The following ZRANB1 variants were observed in gnomAD, a reference collection of about 807,000 sequenced individuals.
The protein encoded by ZRANB1 is zinc finger RANBP2-type containing 1.
ZRANB1 carries 16 observed loss-of-function variants against 80.5 expected under a neutral mutation model. The ratio of observed to expected loss-of-function variants is 0.20; its 90% CI spans 0.13 to 0.30. The LOEUF is 0.30. Ranked by LOEUF, ZRANB1 falls within the 10% of genes least tolerant of loss-of-function variation. ZRANB1 has a pLI of 1.00. For missense variants in ZRANB1, 576 were observed against 862.6 expected, an observed-to-expected ratio of 0.67 and a Z score of 4.16; for synonymous variants, 291 against 293.1, an observed-to-expected ratio of 0.99 and a Z score of 0.07.
At chr10:124,924,611 C>T in the ZRANB1 span, among the ~76,000 whole-genome samples, 6 of 152,126 alleles carry the variant, frequency 3.9e-5, no homozygotes, top group Non-Finnish European at 5.9e-5. Context: ...TCTTATAATA[C>T]TTCCAAGGTT....
At chr10:124,939,523 T>C (rs7917153), upstream of ZRANB1, among the ~76,000 whole-genome samples, 5,766 of 152,284 alleles carry the variant, frequency 0.038, 351 homozygotes, top group African/African-American at 0.13. Flanking sequence ...TTTAAATATA[T>C]TGTGCCAGCA....
At chr10:124,978,221 G>C (rs1951897324) in intron 5 of ZRANB1, among the ~76,000 whole-genome samples, 1 of 152,232 alleles carries the variant, frequency 6.6e-6, no homozygotes, top group African/African-American at 2.4e-5. Context: ...CCAGTAGAGA[G>C]TAGAGTGAGC....
At chr10:124,956,173 G>T in intron 1 of ZRANB1, among the ~76,000 whole-genome samples, 1 of 152,180 alleles carries the variant, frequency 6.6e-6, no homozygotes, top group East Asian at 1.9e-4. Context: ...CATTGATTCA[G>T]TAACGGCTTT....
Position 124,984,838 on chromosome 10 carries a change from G to A in ZRANB1, c.1973G>A (p.Gly658Glu), listed in dbSNP as rs777935576. The A allele has an allele frequency of 2.5e-6, 4 of 1,613,798 alleles. No individual in the cohort carries two copies. Among genetic ancestry groups the A allele is most frequent in the African/African-American group, 1.3e-5 (1 of 74,812 alleles). Residue 658 changes from glycine (G) to glutamate (E), a missense_variant, in exon 9 of 9, where the codon GGG (glycine) becomes GAG (glutamate). Gly to Glu is a moderately conservative substitution (Grantham distance 98). Coordinates refer to ENST00000359653, the MANE Select transcript of ZRANB1 (RefSeq NM_017580.3). The stretch of plus-strand genomic sequence containing the variant: ...TGGCTGGACTGCTGTGTGACGGAGG[G>A]GGGAGTTCTGGTTGCCATGCAGAAG... ...REWLDCCVTEGGVLVAMQKSS... is the reference protein window; with the variant it reads ...REWLDCCVTEEGVLVAMQKSS...
intron 1 of ZRANB1, among the ~76,000 whole-genome samples, chr10:124,952,021 C>T (rs1951642791): frequency 6.6e-6 from 1 of 152,034 alleles, no homozygotes; most frequent in Non-Finnish European, 1.5e-5. Flanking sequence ...TTATAATGTC[C>T]AAATTTACAT....
At chr10:124,981,284 G>A (rs1951930170) in intron 5 of ZRANB1, 1 of 152,702 alleles carries the variant, frequency 6.5e-6, no homozygotes, top group African/African-American at 2.4e-5. Flanking sequence ...TTGATACTAT[G>A]AACACACGGA....
the ZRANB1 span, among the ~76,000 whole-genome samples, chr10:124,922,309 ATATATGTAAAATATATGTATATATATATT>A: frequency 6.7e-5 from 2 of 29,830 alleles, no homozygotes; most frequent in Admixed American, 2.7e-4. Flanking sequence ...AAATATATAT[ATATATGTAAAATATATGTATATATATATT>A]TTTTTTTTAA....
intron 6 of ZRANB1, among the ~76,000 whole-genome samples, chr10:124,982,153 G>T (rs895831104): frequency 6.6e-6 from 1 of 152,152 alleles, no homozygotes; most frequent in Non-Finnish European, 1.5e-5. Context: ...AGATAGTCTT[G>T]GGATTGCTCT....
chr10:124,926,311 A>G, the ZRANB1 span, among the ~76,000 whole-genome samples: 1 of 152,254 alleles, frequency 6.6e-6, no homozygotes, highest in Non-Finnish European at 1.5e-5. Context: ...TTTTAACTTT[A>G]TAAATTTTTA....
chr10:124,916,966 C>A, the ZRANB1 span, among the ~76,000 whole-genome samples: 1 of 151,964 alleles, frequency 6.6e-6, no homozygotes, highest in Non-Finnish European at 1.5e-5. Flanking sequence ...CACCTCAGTG[C>A]CCCCGCCCCC....
Position 124,943,062 on chromosome 10 carries a change from A to G in ZRANB1, c.569A>G (p.Glu190Gly). ...GCAATAGAATTGGCAGAGACTGAAGAGGCTTCTTCAATAATAAATGAGCAA... is the reference window on the plus strand; with the variant it reads ...GCAATAGAATTGGCAGAGACTGAAGGGGCTTCTTCAATAATAAATGAGCAA... The part of the protein sequence containing the change: ...IEAIELAETE[E>G]ASSIINEQDR... Residue 190 changes from glutamate (E) to glycine (G), a missense_variant, in exon 1 of 9, where the codon GAG becomes GGG. Coordinates refer to ENST00000359653, the MANE Select transcript of ZRANB1 (RefSeq NM_017580.3). 1 of 1,614,212 alleles carries G rather than the reference A, an allele frequency of 6.2e-7. No homozygotes were observed. Among genetic ancestry groups the G allele is most frequent in the Non-Finnish European group, 8.5e-7 (1 of 1,180,036 alleles).
Position 124,942,700 on chromosome 10 carries a change from C to T in ZRANB1, c.207C>T (p.Asp69=). 1.2e-6 allele frequency: 2 copies of T among 1,614,222 alleles called. No homozygotes were observed. Among genetic ancestry groups the T allele is most frequent in the Non-Finnish European group, 1.7e-6 (2 of 1,180,040 alleles). ...EGGSSPLICP[D]SSARPRVKSS... ...GAAGTAGTCCTTTGATATGTCCAGA[C>T]TCTAGTGCAAGACCAAGGGTGAAAT... Residue 69 remains aspartate, a synonymous_variant, in exon 1 of 9, where the codon GAC becomes GAT. Coordinates refer to ENST00000359653, the MANE Select transcript of ZRANB1 (RefSeq NM_017580.3).
In ZRANB1 at chr10:124,988,151, TTTTGA is replaced by T. The variant is rs1314916989; in HGVS notation, c.*3163_*3167del. ...GTGATAATGATGGACTTGTGTGAGG[TTTTGA>T]TTTTTCAATTAAACTTTTTGTTATC... On this transcript the variant is annotated 3_prime_UTR_variant, in exon 9 of 9. Coordinates refer to ENST00000359653, the MANE Select transcript of ZRANB1 (RefSeq NM_017580.3). 3.1e-4 allele frequency: 47 copies of T among 152,536 alleles called. 1 individual carries two copies. Among genetic ancestry groups the T allele is most frequent in the Non-Finnish European group, 1.5e-5 (1 of 68,026 alleles). The allele number at this position is 152,536 out of a possible 1,614,324, so 9.4% of individuals were successfully genotyped here.
At chr10:124,979,993 G>A (rs1951918564) in intron 5 of ZRANB1, among the ~76,000 whole-genome samples, 1 of 152,128 alleles carries the variant, frequency 6.6e-6, no homozygotes, top group Non-Finnish European at 1.5e-5. Flanking sequence ...TTTCAACATT[G>A]TTTTGACTAT....
At chr10:124,933,686 G>A in the ZRANB1 span, among the ~76,000 whole-genome samples, 1 of 152,156 alleles carries the variant, frequency 6.6e-6, no homozygotes, top group African/African-American at 2.4e-5. Context: ...GTTGTCATAG[G>A]TTGTTACATT....
intron 1 of ZRANB1, among the ~76,000 whole-genome samples, chr10:124,963,344 A>G (rs1348795975): frequency 6.6e-6 from 1 of 150,714 alleles, no homozygotes; most frequent in Non-Finnish European, 1.5e-5. Context: ...GAAAACATGT[A>G]TATGTTGATT....
rs1173391881 is a variant in ZRANB1 at position 124,983,918 on chromosome 10, A to G, written c.1908+230A>G. On this transcript the variant is annotated intron_variant, in intron 8 of 8. Transcript: ENST00000359653. The surrounding 1 kb of genome is among the most constrained non-coding windows in gnomAD (Gnocchi z 6.2). ...TGGGTTTTAAGAAGAAAAAGTAAAG[A>G]TGAGGTTTGTGATTTAAATATGGCA... Among the ~76,000 whole-genome samples, 1 of 152,166 alleles carries G rather than the reference A, an allele frequency of 6.6e-6. No homozygotes were observed. The highest frequency in any genetic ancestry group is 1.5e-5 in the Non-Finnish European group (1 of 68,034).
rs1013552100 is a variant in ZRANB1 at position 124,981,638 on chromosome 10, A to G, written c.1428-71A>G. On this transcript the variant is annotated intron_variant, in intron 5 of 8. Transcript: ENST00000359653. ...TGCTTAAAGACTGCATTAAATAAAA[A>G]TGATCAGAACTTTAAATGTTTTATT... is the stretch of plus-strand genomic sequence containing the variant. The G allele has an allele frequency of 2.5e-5, 34 of 1,361,518 alleles. No individual in the cohort carries two copies. The African/African-American group carries it at 4.2e-4, about 17-fold the overall frequency. The allele number at this position is 1,361,518 out of a possible 1,614,324, so 84.3% of individuals were successfully genotyped here. A position where few individuals can be genotyped will look rare whatever the true frequency, so the allele number is the denominator to read the frequency against.
rs1278862511 is a variant in ZRANB1 at position 124,942,375 on chromosome 10, G to GT, written c.-117dup. The GT allele has an allele frequency of 3.0e-5, 44 of 1,490,966 alleles. No individual in the cohort carries two copies. Among genetic ancestry groups the GT allele is most frequent in the Non-Finnish European group, 3.8e-5 (43 of 1,124,304 alleles). 92.4% of individuals were successfully genotyped at this position (1,490,966 alleles called of 1,614,324 possible). A position where few individuals can be genotyped will look rare whatever the true frequency, so the allele number is the denominator to read the frequency against. ...CTTTTGAGAAATTTATATTTTGTAG[G>GT]TTGAAGGACTTGCTTTTTGGGCAGC... On this transcript the variant is annotated 5_prime_UTR_variant, in exon 1 of 9. It removes the in-frame stop codon of an upstream open reading frame in the 5' UTR. Transcript: ENST00000359653.
Sources: gnomAD v4.1 joint callset for allele counts (sites outside exome capture counted in the v4.1 genomes callset) on GRCh38, gnomAD v4.1.1 for gene constraint, Gnocchi (gnomAD v3.1) non-coding constraint, MANE v1.5 for transcripts, NCBI Gene and HGNC (gene_info 2026-07-23, HGNC 2026-07-21) for gene names.